The following PYGL variants were observed in gnomAD, a reference collection of about 807,000 sequenced individuals.
PYGL encodes glycogen phosphorylase L, also known as glycogen phosphorylase, liver form.
In PYGL, 90 loss-of-function variants were observed where a neutral mutation model predicts 100.1. The observed-to-expected ratio is 0.90, with a 90% confidence interval of 0.76 to 1.07. The LOEUF (loss-of-function observed/expected upper bound fraction) is 1.07. PYGL is among the 50% of genes least tolerant of loss of function. The pLI is 0.00. For synonymous variants in PYGL, 373 were observed against 393.0 expected (o/e 0.95, Z 0.60); for missense variants, 1,016 against 1,057.6 (o/e 0.96, Z 0.55).
chr14:50,930,989 T>G (rs1017844282), intron 4 of PYGL, among the ~76,000 whole-genome samples: 4 of 152,194 alleles, frequency 2.6e-5, no homozygotes, highest in African/African-American at 9.6e-5. Context: ...TAGTGTCATT[T>G]GGATAGATTT....
At position 50,907,637 on chromosome 14, in the gene PYGL, C is replaced by T. The variant is rs571164364; in HGVS notation, c.2379+634G>A. Reference sequence around the variant, plus strand: ...AGCACAGTGCCCGGCATAAAAAAGACGCCTAATGCCCCTCTGAGGCTTTAT... The same window carrying T: ...AGCACAGTGCCCGGCATAAAAAAGATGCCTAATGCCCCTCTGAGGCTTTAT... On this transcript the variant is annotated intron_variant, in intron 19 of 19. Coordinates refer to ENST00000216392, the MANE Select transcript of PYGL (RefSeq NM_002863.5). Among the ~76,000 whole-genome samples, 31 of 152,284 alleles carry T rather than the reference C, an allele frequency of 2.0e-4. 1 individual carries two copies. The highest frequency in any genetic ancestry group is 3.4e-3 in the Middle Eastern group (1 of 294).
chr14:50,923,938 A>C (rs777406228), intron 5 of PYGL, 31 bp downstream of exon 5: 3 of 1,603,526 alleles, frequency 1.9e-6, no homozygotes, highest in Non-Finnish European at 2.6e-6. Context: ...AATACTATAC[A>C]AAACGCTGGC....
chr14:50,918,760 TA>T (rs1403601199), intron 7 of PYGL, among the ~76,000 whole-genome samples: 1 of 152,196 alleles, frequency 6.6e-6, no homozygotes, highest in African/African-American at 2.4e-5. Flanking sequence ...CTTATCCATG[TA>T]ACCAAAACTA....
At chr14:50,920,448 A>T in intron 7 of PYGL, 93 bp downstream of exon 7, 1 of 1,223,764 alleles carries the variant, frequency 8.2e-7, no homozygotes, top group Non-Finnish European at 1.2e-6. Context: ...ATGGAAAAAC[A>T]TCAATATTAA....
intron 8 of PYGL, 85 bp from the exon 9 acceptor site, chr14:50,916,819 G>T: frequency 6.5e-7 from 1 of 1,541,448 alleles, no homozygotes; most frequent in Non-Finnish European, 9.0e-7. Context: ...AGAAAGCACT[G>T]ATATGCCCAC....
Position 50,943,281 on chromosome 14 carries a change from C to T in PYGL, c.243+880G>A, listed in dbSNP as rs142838418. On this transcript the variant is annotated intron_variant, in intron 1 of 19. Coordinates refer to ENST00000216392, the MANE Select transcript of PYGL (RefSeq NM_002863.5). Reference sequence around the variant, plus strand: ...GCCTGCACACAATCCCTCTCCCTGCCATGTCCTCCCCAGTCCTTCCCCACT... The same window carrying T: ...GCCTGCACACAATCCCTCTCCCTGCTATGTCCTCCCCAGTCCTTCCCCACT... 8.5e-5 allele frequency among the ~76,000 whole-genome samples: 13 copies of T among 152,328 alleles called. No homozygotes were observed. In the East Asian group the frequency reaches 2.5e-3, roughly 29 times the overall value.
At chr14:50,926,493 C>T (rs893673252) in intron 4 of PYGL, among the ~76,000 whole-genome samples, 3 of 151,390 alleles carry the variant, frequency 2.0e-5, no homozygotes, top group Admixed American at 6.6e-5. Flanking sequence ...TTTGGGAGGC[C>T]GAGGTGGGCT....
chr14:50,923,751 T>C (rs563495608), intron 5 of PYGL: 1 of 408,280 alleles, frequency 2.4e-6, no homozygotes, highest in Non-Finnish European at 4.2e-6. Context: ...AAAATGACCC[T>C]TATAAAAGTC....
chr14:50,912,543 A>G, intron 13 of PYGL: 2 of 536,122 alleles, frequency 3.7e-6, no homozygotes, highest in South Asian at 4.1e-5. Context: ...GGGTTTCATC[A>G]TGTTGGCCAG....
intron 4 of PYGL, among the ~76,000 whole-genome samples, chr14:50,930,721 AGTCCCTGAGC>A (rs1566510703): frequency 6.6e-6 from 1 of 152,210 alleles, no homozygotes; most frequent in East Asian, 1.9e-4. Flanking sequence ...CTCTGCATCC[AGTCCCTGAGC>A]GTTCTCTTGT....
chr14:50,919,901 C>T lies in PYGL; in HGVS notation c.855+640G>A, dbSNP rs140224625. Among the ~76,000 whole-genome samples, 348 of 152,070 alleles carry T rather than the reference C, an allele frequency of 2.3e-3. 3 individuals carry two copies. Among genetic ancestry groups the T allele is most frequent in the African/African-American group, 7.9e-3 (328 of 41,472 alleles). On this transcript the variant is annotated intron_variant, in intron 7 of 19. Coordinates refer to ENST00000216392, the MANE Select transcript of PYGL (RefSeq NM_002863.5). ...GTTTCGTCATGTTGGCCAGGCTGGT[C>T]TCGAACTTCTGGCCTCAAATGATTT...
At chr14:50,915,795 G>A (rs371786956) in intron 10 of PYGL, 30 bp downstream of exon 10, 415 of 1,605,788 alleles carry the variant, frequency 2.6e-4, no homozygotes, top group Non-Finnish European at 3.4e-4. Context: ...TTATGCTCAT[G>A]AACAGAGAAA....
At chr14:50,940,294 C>G (rs1193379303) in intron 1 of PYGL, among the ~76,000 whole-genome samples, 1 of 152,134 alleles carries the variant, frequency 6.6e-6, no homozygotes, top group Non-Finnish European at 1.5e-5. Context: ...TTTAAGTAAT[C>G]TACAAAAAGC....
chr14:50,914,596 G>T, intron 12 of PYGL, 105 bp downstream of exon 12: 8 of 908,608 alleles, frequency 8.8e-6, no homozygotes, highest in Non-Finnish European at 1.4e-5. Context: ...ACCACATGCT[G>T]AGGAAGCCAG....
At chr14:50,913,283 A>G (rs898879289) in intron 12 of PYGL, 153 bp from the exon 13 acceptor site, 7 of 676,146 alleles carry the variant, frequency 1.0e-5, no homozygotes, top group Middle Eastern at 2.5e-4. Flanking sequence ...AAGAGTCTAT[A>G]AAGTCTATGT....
chr14:50,919,489 G>T (rs2050481318), intron 7 of PYGL, among the ~76,000 whole-genome samples: 1 of 152,084 alleles, frequency 6.6e-6, no homozygotes, highest in African/African-American at 2.4e-5. Flanking sequence ...GTCCCCCCAA[G>T]ATCCTTGTCT....
intron 5 of PYGL, among the ~76,000 whole-genome samples, chr14:50,921,871 A>G (rs2050506108): frequency 6.6e-6 from 1 of 152,244 alleles, no homozygotes. Context: ...TTATGAAGCT[A>G]TAACATCTCA....
intron 2 of PYGL, among the ~76,000 whole-genome samples, chr14:50,936,576 A>T (rs1485722065): frequency 1.3e-5 from 2 of 152,240 alleles, no homozygotes; most frequent in Admixed American, 1.3e-4. Flanking sequence ...TGGGAGGCCA[A>T]GGTGGGTGGA....
At chr14:50,913,681 T>C (rs58698251) in intron 12 of PYGL, among the ~76,000 whole-genome samples, 9,822 of 152,012 alleles carry the variant, frequency 0.065, 488 homozygotes, top group South Asian at 0.2. Context: ...GCCTAAAAAT[T>C]ATTTTTATTT....
Sources: allele counts gnomAD v4.1 joint callset (sites outside exome capture counted in the v4.1 genomes callset), GRCh38; gene constraint gnomAD v4.1.1; transcripts MANE v1.5; gene names NCBI Gene and HGNC (gene_info 2026-07-23, HGNC 2026-07-21).